The following ARHGEF3 variants were observed in gnomAD, a reference collection of about 807,000 sequenced individuals.
The protein encoded by ARHGEF3 is Rho guanine nucleotide exchange factor 3.
ARHGEF3 carries 28 observed loss-of-function variants against 63.2 expected under a neutral mutation model. That is an observed-to-expected ratio of 0.44 (90% CI 0.33 to 0.61). ARHGEF3 has a LOEUF of 0.61. Ranked by LOEUF, ARHGEF3 falls within the 20% of genes least tolerant of loss-of-function variation. The probability of loss-of-function intolerance (pLI) is 0.03; values close to 1 mark genes in which losing one functional copy is unlikely to be tolerated. For synonymous variants in ARHGEF3, 266 were observed against 254.2 expected, an observed-to-expected ratio of 1.05 and a Z score of -0.44; for missense variants, 533 against 659.3, an observed-to-expected ratio of 0.81 and a Z score of 2.10.
At chr3:57,060,635 T>C (rs377618040) in intron 1 of ARHGEF3, 2 of 152,390 alleles carry the variant, frequency 1.3e-5, no homozygotes, top group East Asian at 3.9e-4. Context: ...GCTGGGCCCA[T>C]GTGACCCAGG....
chr3:56,795,984 A>C (rs1426408688), intron 1 of ARHGEF3, among the ~76,000 whole-genome samples: 1 of 152,030 alleles, frequency 6.6e-6, no homozygotes, highest in East Asian at 1.9e-4. Flanking sequence ...AATTAAAAAA[A>C]AAAAAAGGAA....
intron 4 of ARHGEF3, among the ~76,000 whole-genome samples, chr3:56,880,865 C>T (rs777596755): frequency 1.9e-4 from 29 of 152,190 alleles, no homozygotes; most frequent in Admixed American, 1.0e-3. Flanking sequence ...CTGTTCACCA[C>T]GGCAACTTAG....
chr3:56,798,789 C>T (rs1365173402), intron 1 of ARHGEF3, among the ~76,000 whole-genome samples: 2 of 152,104 alleles, frequency 1.3e-5, no homozygotes, highest in African/African-American at 4.8e-5. Context: ...ACTTAATGCT[C>T]GTATCATATC....
chr3:57,020,435 T>TG (rs1451263527), intron 2 of ARHGEF3, among the ~76,000 whole-genome samples: 6 of 152,216 alleles, frequency 3.9e-5, no homozygotes, highest in Admixed American at 2.0e-4. Context: ...GCCTTCCCAT[T>TG]GGGGGACCAC....
At chr3:57,017,278 T>C (rs1703061717) in intron 2 of ARHGEF3, among the ~76,000 whole-genome samples, 1 of 151,946 alleles carries the variant, frequency 6.6e-6, no homozygotes, top group African/African-American at 2.4e-5. Flanking sequence ...TAGGGATGTA[T>C]ATTCACCCAA....
chr3:56,944,932 T>C (rs533596200), intron 3 of ARHGEF3, among the ~76,000 whole-genome samples: 1 of 152,154 alleles, frequency 6.6e-6, no homozygotes, highest in Non-Finnish European at 1.5e-5. Flanking sequence ...CTGTGAACAT[T>C]CTTGAAATGA....
chr3:56,920,434 G>A (rs536443377), intron 3 of ARHGEF3, among the ~76,000 whole-genome samples: 2 of 152,272 alleles, frequency 1.3e-5, no homozygotes, highest in East Asian at 3.9e-4. Flanking sequence ...GGTATTTTCT[G>A]TTGAGAAGTT....
At chr3:57,073,867 G>C in intron 1 of ARHGEF3, 1 of 1,614,218 alleles carries the variant, frequency 6.2e-7, no homozygotes, top group South Asian at 1.1e-5. Context: ...CAGGGTCCAG[G>C]TGTCCTGCCA....
chr3:57,015,690 C>A (rs771390508), intron 2 of ARHGEF3, among the ~76,000 whole-genome samples: 7 of 151,506 alleles, frequency 4.6e-5, no homozygotes, highest in African/African-American at 1.7e-4. Flanking sequence ...GATCCTCTTG[C>A]CTCTGCCTCT....
At chr3:56,787,738 A>AATAATAATAATATT in intron 1 of ARHGEF3, among the ~76,000 whole-genome samples, 1 of 124,438 alleles carries the variant, frequency 8.0e-6, no homozygotes, top group South Asian at 2.4e-4. Flanking sequence ...ATAATAATAT[A>AATAATAATAATATT]ATAGCAATAT....
In ARHGEF3 at chr3:56,937,359, A is replaced by G. The variant is rs182156650; in HGVS notation, c.129+21464T>C. ...CTGAAATATTTAGATGTGAAGAATCATAGTATCTGTAATTGTGTTACTTTG... is the reference window on the plus strand; with the variant it reads ...CTGAAATATTTAGATGTGAAGAATCGTAGTATCTGTAATTGTGTTACTTTG... On this transcript the variant is annotated intron_variant, in intron 3 of 12. Coordinates refer to the ARHGEF3 transcript ENST00000338458. Among the ~76,000 whole-genome samples, 12 of 152,378 alleles carry G rather than the reference A, an allele frequency of 7.9e-5. No homozygotes were observed. The East Asian group carries it at 1.9e-3, about 24-fold the overall frequency.
At chr3:56,952,821 G>A (rs35363466) in intron 3 of ARHGEF3, among the ~76,000 whole-genome samples, 17,561 of 152,170 alleles carry the variant, frequency 0.12, 1,276 homozygotes, top group East Asian at 0.25. Context: ...GTCGAAGAGA[G>A]TAGAAGGAAA....
chr3:56,805,020 T>C (rs754733003), upstream of ARHGEF3, among the ~76,000 whole-genome samples: 11 of 152,226 alleles, frequency 7.2e-5, no homozygotes, highest in Admixed American at 1.3e-4. Context: ...AGAACACATT[T>C]GCCATCAAAG....
chr3:56,802,483 G>A (rs190916530), upstream of ARHGEF3, among the ~76,000 whole-genome samples: 2 of 152,232 alleles, frequency 1.3e-5, no homozygotes, highest in East Asian at 1.9e-4. Context: ...ATGGCAAAAT[G>A]CACCCATTTT....
chr3:56,901,937 G>A (rs1022587429), intron 3 of ARHGEF3, among the ~76,000 whole-genome samples: 2 of 152,122 alleles, frequency 1.3e-5, no homozygotes, highest in Non-Finnish European at 2.9e-5. Context: ...AAGCCTGAAA[G>A]AAGCTTATCT....
chr3:56,803,161 G>T (rs1240186379), upstream of ARHGEF3, among the ~76,000 whole-genome samples: 2 of 152,182 alleles, frequency 1.3e-5, no homozygotes, highest in Non-Finnish European at 2.9e-5. Context: ...GGAGGCACCT[G>T]GGTTTAAAGA....
chr3:56,886,836 C>A (rs2040941734), intron 3 of ARHGEF3, among the ~76,000 whole-genome samples: 1 of 152,058 alleles, frequency 6.6e-6, no homozygotes, highest in Non-Finnish European at 1.5e-5. Context: ...GGAATTTGTC[C>A]AGGGTTTCAT....
intron 8 of ARHGEF3, among the ~76,000 whole-genome samples, chr3:56,736,234 G>A (rs142366486): frequency 6.6e-6 from 1 of 152,224 alleles, no homozygotes; most frequent in Admixed American, 6.5e-5. Context: ...AGGTTCTAAG[G>A]TTGACAAACC....
At chr3:56,808,271 T>G (rs2037937493) in intron 4 of ARHGEF3, among the ~76,000 whole-genome samples, 1 of 149,526 alleles carries the variant, frequency 6.7e-6, no homozygotes. Context: ...TTATCAGCTA[T>G]AAAGCAAAAA....
Sources: allele counts gnomAD v4.1 joint callset (sites outside exome capture counted in the v4.1 genomes callset), GRCh38; gene constraint gnomAD v4.1.1; transcripts MANE v1.5; gene names NCBI Gene and HGNC (gene_info 2026-07-23, HGNC 2026-07-21).